The following SOD2 variants were observed in gnomAD, a reference collection of about 807,000 sequenced individuals.
SOD2 encodes the protein superoxide dismutase 2, also known as superoxide dismutase [Mn], mitochondrial.
A neutral mutation model predicts 27.0 loss-of-function variants in SOD2; 11 were observed. That is an observed-to-expected ratio of 0.41 (90% CI 0.26 to 0.67). The LOEUF (loss-of-function observed/expected upper bound fraction) is 0.67. Among genes scored for constraint, SOD2 ranks in the 30% least tolerant of loss-of-function variants. The pLI is 0.34. For synonymous variants in SOD2, 105 were observed against 103.0 expected, an observed-to-expected ratio of 1.02 and a Z score of -0.12; for missense variants, 250 against 274.5, an observed-to-expected ratio of 0.91 and a Z score of 0.63.
rs1332766787 is a variant in SOD2, at chr6:159,680,000, A to G, written c.*2493T>C. ...GTTTGTAAATTCCCTTAGTCTCTTAAAATCAATCTATCCAGAAGACAAGAA... is the reference window on the plus strand; with the variant it reads ...GTTTGTAAATTCCCTTAGTCTCTTAGAATCAATCTATCCAGAAGACAAGAA... On this transcript the variant is annotated 3_prime_UTR_variant, in exon 5 of 5. Transcript: ENST00000538183. The G allele has an allele frequency of 6.6e-6, 1 of 152,190 alleles. No homozygotes were observed. Among genetic ancestry groups the G allele is most frequent in the African/African-American group, 2.4e-5 (1 of 41,438 alleles). The allele number at this position is 152,190 out of a possible 1,614,324, so 9.4% of individuals were successfully genotyped here.
At chr6:159,689,763 C>T (rs558274028) in intron 2 of SOD2, among the ~76,000 whole-genome samples, 4 of 151,862 alleles carry the variant, frequency 2.6e-5, no homozygotes, top group Middle Eastern at 6.8e-3. Flanking sequence ...ATTTCAAGAC[C>T]GGCCTGGCCA....
chr6:159,716,958 AC>A (rs994482163), intron 1 of SOD2, among the ~76,000 whole-genome samples: 27 of 152,112 alleles, frequency 1.8e-4, no homozygotes, highest in African/African-American at 5.8e-4. Flanking sequence ...GTGCCACAAT[AC>A]CCCAGCAGAT....
chr6:159,733,915 T>C (rs1274344673), intron 1 of SOD2, among the ~76,000 whole-genome samples: 2 of 151,660 alleles, frequency 1.3e-5, no homozygotes, highest in African/African-American at 4.8e-5. Flanking sequence ...AAACTCCATC[T>C]CCAAAAAAAA....
chr6:159,724,876 G>C (rs1778111089), intron 1 of SOD2, among the ~76,000 whole-genome samples: 1 of 131,768 alleles, frequency 7.6e-6, no homozygotes, highest in African/African-American at 2.8e-5. Context: ...AAAAAGAAAA[G>C]CAAGAGAAGG....
intron 1 of SOD2, among the ~76,000 whole-genome samples, chr6:159,751,096 GA>G (rs1779803287): frequency 6.6e-6 from 1 of 152,070 alleles, no homozygotes; most frequent in African/African-American, 2.4e-5. Context: ...GGAATGGGTT[GA>G]TTTTTTTGTT....
intron 1 of SOD2, among the ~76,000 whole-genome samples, chr6:159,744,558 C>T (rs1435388758): frequency 6.6e-6 from 1 of 152,158 alleles, no homozygotes; most frequent in Non-Finnish European, 1.5e-5. Context: ...TAGAATGTTC[C>T]TTAAGGTTCA....
intron 1 of SOD2, among the ~76,000 whole-genome samples, chr6:159,716,216 G>GT (rs961785024): frequency 1.5e-4 from 23 of 152,152 alleles, no homozygotes; most frequent in African/African-American, 5.6e-4. Context: ...ATGAACAGTG[G>GT]TTTTAAATAT....
At chr6:159,712,273 T>C (rs568231187) in intron 1 of SOD2, among the ~76,000 whole-genome samples, 273 of 133,446 alleles carry the variant, frequency 2.0e-3, no homozygotes, top group African/African-American at 6.2e-3. Context: ...TAACCACCAC[T>C]CACATTGCTC....
Position 159,677,159 on chromosome 6 carries a change from G to C in SOD2, c.*5334C>G, listed in dbSNP as rs191017813. On this transcript the variant is annotated 3_prime_UTR_variant, in exon 5 of 5. Transcript: ENST00000538183. ...ACTTCATGGAGCACAAATTATAGTG[G>C]GCAGAGAGGCAAACTTGGAATCACC... 1 of 152,256 alleles carries C rather than the reference G, an allele frequency of 6.6e-6. No individual in the cohort carries two copies. The highest frequency in any genetic ancestry group is 6.5e-5 in the Admixed American group (1 of 15,282). The allele number at this position is 152,256 out of a possible 1,614,324, so 9.4% of individuals were successfully genotyped here.
intron 2 of SOD2, chr6:159,692,408 C>T: frequency 1.4e-6 from 2 of 1,394,566 alleles, no homozygotes; most frequent in Non-Finnish European, 1.9e-6. Flanking sequence ...TGGCTCACAA[C>T]AGTAAGGCAA....
intron 4 of SOD2, among the ~76,000 whole-genome samples, chr6:159,683,986 T>C (rs1369809860): frequency 2.6e-5 from 4 of 152,196 alleles, no homozygotes; most frequent in Non-Finnish European, 5.9e-5. Flanking sequence ...GCCAGACAAC[T>C]CATGGCTCTA....
chr6:159,685,617 T>C (rs1372510831), intron 3 of SOD2, among the ~76,000 whole-genome samples: 1 of 152,046 alleles, frequency 6.6e-6, no homozygotes, highest in East Asian at 1.9e-4. Context: ...AGGTCTGGGG[T>C]GCAATTGATG....
At chr6:159,691,733 A>AT (rs1777206822) in intron 2 of SOD2, 1 of 152,036 alleles carries the variant, frequency 6.6e-6, no homozygotes, top group Non-Finnish European at 1.5e-5. Flanking sequence ...TGAGAAAAAA[A>AT]AAAAAAGTTA....
At chr6:159,713,466 C>T in intron 1 of SOD2, 2 of 661,718 alleles carry the variant, frequency 3.0e-6, no homozygotes, top group South Asian at 1.8e-5. Context: ...TGTACCTGTG[C>T]CCTATTCTTT....
At chr6:159,741,942 ACT>A (rs1779282116) in intron 1 of SOD2, 5 of 617,590 alleles carry the variant, frequency 8.1e-6, no homozygotes, top group South Asian at 3.8e-5. Flanking sequence ...ACAGAGCGAG[ACT>A]CTGTCTAAAA....
At chr6:159,732,886 A>AGTGTGTGTGTGT (rs67554039) in intron 1 of SOD2, among the ~76,000 whole-genome samples, 2,879 of 146,428 alleles carry the variant, frequency 0.02, 78 homozygotes, top group African/African-American at 0.06. Flanking sequence ...ATATATATAT[A>AGTGTGTGTGTGT]GTGTGTGTGT....
At chr6:159,697,034 GACACACACACACACAC>G (rs35334577), upstream of SOD2, among the ~76,000 whole-genome samples, 41 of 132,722 alleles carry the variant, frequency 3.1e-4, no homozygotes, top group African/African-American at 7.5e-4. Flanking sequence ...AGGAGACCCT[GACACACACACACACAC>G]ACACACACAC....
At chr6:159,718,974 C>G (rs1013820732) in intron 1 of SOD2, among the ~76,000 whole-genome samples, 4 of 152,044 alleles carry the variant, frequency 2.6e-5, no homozygotes, top group African/African-American at 9.7e-5. Flanking sequence ...GATAATCTCT[C>G]CAGGATCCCT....
upstream of SOD2, among the ~76,000 whole-genome samples, chr6:159,693,726 T>A (rs1311489639): frequency 2.0e-5 from 3 of 152,162 alleles, no homozygotes; most frequent in African/African-American, 7.2e-5. Flanking sequence ...CCGTGGCCGT[T>A]CCTAGGGAAG....
Sources: gnomAD v4.1 joint callset for allele counts (sites outside exome capture counted in the v4.1 genomes callset) on GRCh38, gnomAD v4.1.1 for gene constraint, MANE v1.5 for transcripts, NCBI Gene and HGNC (gene_info 2026-07-23, HGNC 2026-07-21) for gene names.